The following CDH9 variants were observed in gnomAD, a reference collection of about 807,000 sequenced individuals.
The protein encoded by CDH9 is cadherin-9.
A neutral mutation model predicts 70.9 loss-of-function variants in CDH9; 28 were observed. The ratio of observed to expected loss-of-function variants is 0.40; its 90% confidence interval spans 0.29 to 0.54. The LOEUF is 0.54. Ranked by LOEUF, CDH9 falls within the 20% of genes least tolerant of loss-of-function variation. The pLI is 0.59. For synonymous variants in CDH9, 409 were observed against 343.1 expected (o/e 1.19, Z -2.12); for missense variants, 874 against 984.4 (o/e 0.89, Z 1.50).
At position 26,913,988 on chromosome 5, in the gene CDH9, A is replaced by T. The variant is rs930044102; in HGVS notation, c.523+1642T>A. Among the ~76,000 whole-genome samples, 5 of 152,028 alleles carry T rather than the reference A, an allele frequency of 3.3e-5. No individual in the cohort carries two copies. The East Asian group carries it at 9.6e-4, about 29-fold the overall frequency. Reference sequence around the variant, plus strand: ...TACAGGTTATGTGCGATTAAATATCAATAGTCTCTGATAGGGAAATACTTG... The same window carrying T: ...TACAGGTTATGTGCGATTAAATATCTATAGTCTCTGATAGGGAAATACTTG... On this transcript the variant is annotated intron_variant, in intron 3 of 11. Coordinates refer to ENST00000231021, the MANE Select transcript of CDH9 (RefSeq NM_016279.4).
At chr5:27,028,472 T>A (rs2112132984) in intron 1 of CDH9, 1 of 152,086 alleles carries the variant, frequency 6.6e-6, no homozygotes, top group Non-Finnish European at 1.5e-5. Flanking sequence ...TAGTCTTTAA[T>A]AATTGATAGG....
chr5:26,967,537 T>C (rs1019956417), intron 2 of CDH9, among the ~76,000 whole-genome samples: 3 of 152,218 alleles, frequency 2.0e-5, no homozygotes, highest in Non-Finnish European at 4.4e-5. Flanking sequence ...TTTATGAATG[T>C]ATTCACTTAT....
In CDH9 at chr5:26,889,975, G is replaced by A. The variant is rs371454382; in HGVS notation, c.1391-18C>T. 2 of 1,607,478 alleles carry A rather than the reference G, an allele frequency of 1.2e-6. No individual in the cohort carries two copies. Among genetic ancestry groups the A allele is most frequent in the Non-Finnish European group, 8.5e-7 (1 of 1,176,816 alleles). ...TGGGTTATCTGCAACGAGAACACGT[G>A]TAAGATTTCAGTCTCATTTACACAG... On this transcript the variant is annotated intron_variant, in intron 8 of 11. Coordinates refer to ENST00000231021, the MANE Select transcript of CDH9 (RefSeq NM_016279.4).
intron 3 of CDH9, 35 bp downstream of exon 3, chr5:26,915,595 T>TA: frequency 8.1e-7 from 1 of 1,241,658 alleles, no homozygotes; most frequent in African/African-American, 1.5e-5. Context: ...AACAAACAAA[T>TA]AAAAAGTAGT....
At chr5:26,976,680 C>G (rs994035105) in intron 2 of CDH9, among the ~76,000 whole-genome samples, 9 of 151,946 alleles carry the variant, frequency 5.9e-5, no homozygotes, top group African/African-American at 2.2e-4. Context: ...GCTCAAGTAG[C>G]CTTCTAATTT....
At chr5:26,925,772 A>C (rs1345165082) in intron 2 of CDH9, among the ~76,000 whole-genome samples, 1 of 152,128 alleles carries the variant, frequency 6.6e-6, no homozygotes. Context: ...ACATATGGCT[A>C]GCCAGTTTTC....
At chr5:26,981,033 G>A (rs750200919) in intron 2 of CDH9, among the ~76,000 whole-genome samples, 11 of 151,916 alleles carry the variant, frequency 7.2e-5, no homozygotes, top group Admixed American at 2.0e-4. Context: ...CATAACTAAC[G>A]CCCCATGTCG....
At chr5:26,902,889 T>A (rs1579672933) in intron 6 of CDH9, 160 bp from the exon 7 acceptor site, 2 of 568,564 alleles carry the variant, frequency 3.5e-6, no homozygotes, top group Non-Finnish European at 6.2e-6. Flanking sequence ...TATAAATATA[T>A]GTTTTGCCAT....
chr5:26,889,989 T>C, intron 8 of CDH9, 32 bp from the exon 9 acceptor site: 1 of 1,602,066 alleles, frequency 6.2e-7, no homozygotes, highest in Non-Finnish European at 8.5e-7. Context: ...GATTTCAGTC[T>C]CATTTACACA....
intron 1 of CDH9, among the ~76,000 whole-genome samples, chr5:27,000,609 C>T (rs1742747238): frequency 6.6e-6 from 1 of 152,120 alleles, no homozygotes; most frequent in African/African-American, 2.4e-5. Context: ...GGGAATCACA[C>T]TTACATATAT....
At chr5:26,991,962 T>C (rs1742586007) in intron 1 of CDH9, among the ~76,000 whole-genome samples, 1 of 152,204 alleles carries the variant, frequency 6.6e-6, no homozygotes. Flanking sequence ...TTTTATACTA[T>C]GACTTGAATA....
intron 2 of CDH9, among the ~76,000 whole-genome samples, chr5:26,918,229 C>A (rs373371155): frequency 6.8e-4 from 103 of 152,166 alleles, no homozygotes; most frequent in Middle Eastern, 6.8e-3. Flanking sequence ...CTTTTTACAC[C>A]TTTACCTTCT....
intron 2 of CDH9, among the ~76,000 whole-genome samples, chr5:26,967,168 G>A (rs1003543924): frequency 2.6e-5 from 4 of 151,662 alleles, no homozygotes; most frequent in Admixed American, 2.6e-4. Flanking sequence ...TTCCCAGGTT[G>A]GTCTTAAACT....
intron 1 of CDH9, among the ~76,000 whole-genome samples, chr5:27,032,927 T>G (rs1028808164): frequency 6.6e-6 from 1 of 151,438 alleles, no homozygotes; most frequent in Non-Finnish European, 1.5e-5. Flanking sequence ...ATAATAATTA[T>G]CTACTTTTTG....
chr5:26,917,950 G>A (rs1040093056), intron 2 of CDH9, among the ~76,000 whole-genome samples: 1 of 152,132 alleles, frequency 6.6e-6, no homozygotes, highest in Non-Finnish European at 1.5e-5. Flanking sequence ...ATATTGGCCT[G>A]TGGTTTGCTT....
chr5:26,984,169 T>C (rs1208911083), intron 2 of CDH9, among the ~76,000 whole-genome samples: 1 of 152,086 alleles, frequency 6.6e-6, no homozygotes, highest in African/African-American at 2.4e-5. Context: ...ATAACAAAAG[T>C]TTCTAAATTA....
intron 1 of CDH9, among the ~76,000 whole-genome samples, chr5:26,994,812 A>G (rs1561033069): frequency 6.6e-6 from 1 of 152,084 alleles, no homozygotes; most frequent in East Asian, 1.9e-4. Context: ...AAGACCTCCT[A>G]TGTGTTTTAA....
chr5:27,000,382 T>C (rs1270260292), intron 1 of CDH9, among the ~76,000 whole-genome samples: 1 of 152,162 alleles, frequency 6.6e-6, no homozygotes, highest in Non-Finnish European at 1.5e-5. Context: ...GTCATAGATA[T>C]GGAGCAACAG....
At chr5:26,910,224 C>CAT (rs1741025677) in intron 3 of CDH9, among the ~76,000 whole-genome samples, 2 of 149,218 alleles carry the variant, frequency 1.3e-5, no homozygotes, top group Non-Finnish European at 3.0e-5. Flanking sequence ...ATCTATCATC[C>CAT]ATCTATCTAT....
Sources: allele counts gnomAD v4.1 joint callset (sites outside exome capture counted in the v4.1 genomes callset), GRCh38; gene constraint gnomAD v4.1.1; transcripts MANE v1.5; gene names NCBI Gene and HGNC (gene_info 2026-07-23, HGNC 2026-07-21).